Variants in GPHN observed in about 807,000 individuals in gnomAD.
The protein encoded by GPHN is gephyrin.
In GPHN, 17 loss-of-function variants were observed where a neutral mutation model predicts 95.5. That is an observed-to-expected ratio of 0.18 (90% CI 0.12 to 0.27). The LOEUF (loss-of-function observed/expected upper bound fraction) is 0.27, where lower values mean the gene tolerates loss of function less well. Ranked by LOEUF, GPHN falls within the 10% of genes least tolerant of loss-of-function variation. The pLI, the probability that GPHN is intolerant of heterozygous loss-of-function variation, is 1.00. For missense variants in GPHN, 660 were observed against 978.1 expected, an observed-to-expected ratio of 0.67 and a Z score of 4.34; for synonymous variants, 320 against 322.5, an observed-to-expected ratio of 0.99 and a Z score of 0.08.
chr14:66,561,600 A>G (rs1645495394), intron 1 of GPHN, among the ~76,000 whole-genome samples: 1 of 152,092 alleles, frequency 6.6e-6, no homozygotes, highest in Non-Finnish European at 1.5e-5. Context: ...ATATTTAGCT[A>G]TTGGACTGTA....
At chr14:66,619,796 G>A (rs914850164) in intron 1 of GPHN, among the ~76,000 whole-genome samples, 12 of 152,090 alleles carry the variant, frequency 7.9e-5, no homozygotes, top group Non-Finnish European at 1.3e-4. Context: ...TTCATTGGTA[G>A]TATGTAGAAA....
intron 21 of GPHN, among the ~76,000 whole-genome samples, chr14:67,170,184 T>G (rs1018062498): frequency 6.6e-6 from 1 of 152,202 alleles, no homozygotes; most frequent in Non-Finnish European, 1.5e-5. Flanking sequence ...CATTGACTGT[T>G]TAAATGCTAA....
chr14:67,340,596 A>T, the GPHN span: 1 of 1,213,836 alleles, frequency 8.2e-7, no homozygotes, highest in Non-Finnish European at 1.2e-6. Flanking sequence ...TTTGTATAAC[A>T]GTTATTTTTT....
intron 1 of GPHN, among the ~76,000 whole-genome samples, chr14:66,680,576 T>C (rs892364444): frequency 2.6e-5 from 4 of 152,194 alleles, no homozygotes; most frequent in African/African-American, 9.6e-5. Context: ...TGTTTTTTCT[T>C]TTCCTTAGTA....
chr14:66,716,791 A>G (rs2070226537), intron 2 of GPHN, among the ~76,000 whole-genome samples: 1 of 152,190 alleles, frequency 6.6e-6, no homozygotes, highest in Non-Finnish European at 1.5e-5. Context: ...TTCAGTGGAT[A>G]CAAACTTCTT....
the GPHN span, among the ~76,000 whole-genome samples, chr14:67,698,413 TAG>T: frequency 6.6e-6 from 1 of 152,090 alleles, no homozygotes; most frequent in Non-Finnish European, 1.5e-5. Context: ...TGCAGTGAGC[TAG>T]AATTGTGCCA....
the GPHN span, among the ~76,000 whole-genome samples, chr14:67,265,955 T>G: frequency 0.012 from 1,839 of 152,220 alleles, 19 homozygotes; most frequent in Non-Finnish European, 0.018. Flanking sequence ...TAAAAAACTT[T>G]TAAAAAAAAT....
chr14:66,793,030 G>A lies in GPHN; in HGVS notation c.201+16509G>A, dbSNP rs560255240. Among the ~76,000 whole-genome samples, 326 of 149,928 alleles carry A rather than the reference G, an allele frequency of 2.2e-3. 1 individual carries two copies. Among genetic ancestry groups the A allele is most frequent in the African/African-American group, 7.2e-3 (296 of 40,842 alleles). On this transcript the variant is annotated intron_variant, in intron 3 of 22. Coordinates refer to ENST00000478722, the MANE Select transcript of GPHN (RefSeq NM_020806.5). ...TAAGAATGCCTTTAAGCGGTTTTCC[G>A]CCCTGGGCGGGCCAGGTGTTCCTTG... is the stretch of plus-strand genomic sequence containing the variant.
chr14:67,514,832 G>C, the GPHN span, among the ~76,000 whole-genome samples: 3 of 152,018 alleles, frequency 2.0e-5, no homozygotes, highest in Non-Finnish European at 4.4e-5. Context: ...CCCCCTGTGC[G>C]CCCATCCCCC....
chr14:66,974,940 T>C (rs2070114632), intron 9 of GPHN, among the ~76,000 whole-genome samples: 1 of 152,144 alleles, frequency 6.6e-6, no homozygotes, highest in Non-Finnish European at 1.5e-5. Context: ...TACTATTTGC[T>C]TCATAGGGTT....
chr14:67,568,972 G>A, the GPHN span: 2 of 589,376 alleles, frequency 3.4e-6, no homozygotes, highest in Non-Finnish European at 6.1e-6. Flanking sequence ...TAGAGCAGAG[G>A]AAAATGAGTC....
chr14:66,619,744 T>A (rs540380203), intron 1 of GPHN, among the ~76,000 whole-genome samples: 2 of 152,342 alleles, frequency 1.3e-5, no homozygotes, highest in Non-Finnish European at 2.9e-5. Context: ...GTTATTTTAA[T>A]TGGCATTTTA....
At chr14:66,977,855 T>C (rs1237268841) in intron 9 of GPHN, among the ~76,000 whole-genome samples, 1 of 152,338 alleles carries the variant, frequency 6.6e-6, no homozygotes, top group East Asian at 1.9e-4. Flanking sequence ...CTTTGGCCTA[T>C]TTTTCAGATT....
the GPHN span, among the ~76,000 whole-genome samples, chr14:67,355,991 G>A: frequency 1.3e-5 from 2 of 151,594 alleles, no homozygotes; most frequent in African/African-American, 4.8e-5. Context: ...AGCAAGACTC[G>A]GTCTCAAAAA....
At chr14:66,954,542 G>A (rs147360389) in intron 8 of GPHN, among the ~76,000 whole-genome samples, 1 of 152,100 alleles carries the variant, frequency 6.6e-6, no homozygotes, top group African/African-American at 2.4e-5. Context: ...GATGTTTCAG[G>A]AATATGTATA....
intron 2 of GPHN, among the ~76,000 whole-genome samples, chr14:66,698,893 C>G (rs150126051): frequency 5.7e-4 from 87 of 152,254 alleles, no homozygotes; most frequent in Non-Finnish European, 7.8e-4. Flanking sequence ...TGAAAAAAAT[C>G]TGCAGATAAG....
chr14:67,481,968 C>A, the GPHN span, among the ~76,000 whole-genome samples: 1 of 152,172 alleles, frequency 6.6e-6, no homozygotes, highest in Non-Finnish European at 1.5e-5. Flanking sequence ...AGAGTGTGAG[C>A]AAGGTTGAAT....
chr14:67,546,546 A>T, the GPHN span, among the ~76,000 whole-genome samples: 1 of 151,902 alleles, frequency 6.6e-6, no homozygotes, highest in Non-Finnish European at 1.5e-5. Context: ...GCGCGCCACC[A>T]CGCCCAGCTA....
chr14:66,704,939 G>C (rs1418718466), intron 2 of GPHN, among the ~76,000 whole-genome samples: 1 of 112,380 alleles, frequency 8.9e-6, no homozygotes, highest in African/African-American at 5.2e-5. Context: ...AAGAAGAAAA[G>C]AGAGAAGAAT....
Sources: allele counts gnomAD v4.1 joint callset (sites outside exome capture counted in the v4.1 genomes callset), GRCh38; gene constraint gnomAD v4.1.1; transcripts MANE v1.5; gene names NCBI Gene and HGNC (gene_info 2026-07-23, HGNC 2026-07-21).